TRHDE: variants seen among roughly 807,000 people sequenced by gnomAD.
TRHDE encodes thyrotropin-releasing hormone-degrading ectoenzyme.
TRHDE carries 72 observed loss-of-function variants against 125.7 expected under a neutral mutation model. That is an observed-to-expected ratio of 0.57 (90% CI 0.47 to 0.70). The LOEUF (loss-of-function observed/expected upper bound fraction) is 0.70. TRHDE is among the 30% of genes least tolerant of loss of function. The pLI is 0.00. For synonymous variants in TRHDE, 509 were observed against 509.1 expected (o/e 1.00, Z 0.00); for missense variants, 1,110 against 1,327.1 (o/e 0.84, Z 2.54).
intron 12 of TRHDE, among the ~76,000 whole-genome samples, chr12:72,589,668 T>A (rs1204977540): frequency 6.6e-6 from 1 of 152,194 alleles, no homozygotes; most frequent in African/African-American, 2.4e-5. Context: ...CCATTTCATC[T>A]AGGTCATTAC....
At chr12:72,374,348 G>C (rs576604513) in intron 2 of TRHDE, among the ~76,000 whole-genome samples, 1 of 146,484 alleles carries the variant, frequency 6.8e-6, no homozygotes, top group Non-Finnish European at 1.5e-5. Context: ...CAGGAGTTTG[G>C]TTTTAGACCT....
intron 3 of TRHDE, among the ~76,000 whole-genome samples, chr12:72,450,922 C>G (rs1256493605): frequency 1.3e-5 from 2 of 151,962 alleles, no homozygotes; most frequent in Non-Finnish European, 2.9e-5. Context: ...TTTTCATATA[C>G]TTCTTGGCCA....
rs537805998 is a variant in TRHDE, at chr12:72,173,803, A to G, written n.279+68051A>G. ...TCTGCGCGCGCACACACACACACAC[A>G]TTAATTTTTCCTGAACTGTTTTTAA... On this transcript the variant is annotated intron_variant and non_coding_transcript_variant, in intron 2 of 4. Transcript: ENST00000548156. Among the ~76,000 whole-genome samples, 4 of 152,208 alleles carry G rather than the reference A, an allele frequency of 2.6e-5. No homozygotes were observed. In the South Asian group the frequency reaches 6.2e-4, roughly 24 times the overall value.
chr12:72,221,529 T>C (rs1878000475), intron 2 of TRHDE, among the ~76,000 whole-genome samples: 1 of 152,106 alleles, frequency 6.6e-6, no homozygotes, highest in South Asian at 2.1e-4. Context: ...CTACTCATTA[T>C]TAAAATGTAG....
intron 2 of TRHDE, among the ~76,000 whole-genome samples, chr12:72,371,603 C>T (rs1306745065): frequency 1.6e-4 from 24 of 151,460 alleles, no homozygotes; most frequent in Non-Finnish European, 3.2e-4. Flanking sequence ...CATGTGTTCT[C>T]ATTGTTCAGT....
At chr12:72,635,886 T>A (rs1873722273) in intron 15 of TRHDE, among the ~76,000 whole-genome samples, 1 of 152,182 alleles carries the variant, frequency 6.6e-6, no homozygotes, top group Non-Finnish European at 1.5e-5. Context: ...ACCAGTACCA[T>A]GCTCTTTTGG....
intron 1 of TRHDE, among the ~76,000 whole-genome samples, chr12:72,094,417 T>C (rs751648705): frequency 5.9e-5 from 9 of 152,132 alleles, no homozygotes; most frequent in South Asian, 4.1e-4. Context: ...CTATTGGTGG[T>C]TCCCTAGGTG....
At chr12:72,593,019 A>G (rs1871760872) in intron 12 of TRHDE, among the ~76,000 whole-genome samples, 1 of 152,076 alleles carries the variant, frequency 6.6e-6, no homozygotes, top group Non-Finnish European at 1.5e-5. Flanking sequence ...CGCTGGTGAA[A>G]TTTTTAAAAT....
chr12:72,464,660 T>A (rs748389033), intron 3 of TRHDE, among the ~76,000 whole-genome samples: 3 of 152,170 alleles, frequency 2.0e-5, no homozygotes, highest in African/African-American at 4.8e-5. Context: ...GAAGGGCTAA[T>A]CTGAGAAGTG....
chr12:72,169,139 CTT>C (rs79350221), intron 2 of TRHDE, among the ~76,000 whole-genome samples: 6 of 140,516 alleles, frequency 4.3e-5, no homozygotes, highest in African/African-American at 5.2e-5. Context: ...ATGAAACAGA[CTT>C]TTTTTTTTTT....
chr12:72,634,657 C>T (rs976677801), intron 15 of TRHDE, among the ~76,000 whole-genome samples: 3 of 144,028 alleles, frequency 2.1e-5, no homozygotes, highest in East Asian at 2.2e-4. Flanking sequence ...CCCCCTCCCC[C>T]CAACCCACAA....
chr12:72,327,522 C>T (rs757437751), intron 2 of TRHDE, among the ~76,000 whole-genome samples: 45 of 152,070 alleles, frequency 3.0e-4, no homozygotes, highest in Non-Finnish European at 5.1e-4. Context: ...CACTGAATCA[C>T]CAAACTGACC....
intron 3 of TRHDE, among the ~76,000 whole-genome samples, chr12:72,419,277 A>G (rs1488757647): frequency 6.6e-6 from 1 of 152,166 alleles, no homozygotes; most frequent in African/African-American, 2.4e-5. Flanking sequence ...AAAAAATGTA[A>G]AAAGTTGTAT....
chr12:72,271,131 A>G (rs1275070272), upstream of TRHDE, among the ~76,000 whole-genome samples: 1 of 152,220 alleles, frequency 6.6e-6, no homozygotes, highest in African/African-American at 2.4e-5. Flanking sequence ...TCTCCAATCT[A>G]AAGATGGGAA....
chr12:72,617,511 TC>T (rs1191288666), intron 12 of TRHDE, among the ~76,000 whole-genome samples: 1 of 152,124 alleles, frequency 6.6e-6, no homozygotes, highest in Non-Finnish European at 1.5e-5. Flanking sequence ...AATACAAAGG[TC>T]CATCTAATTT....
At chr12:72,401,090 G>GA (rs1447220509) in intron 3 of TRHDE, among the ~76,000 whole-genome samples, 1 of 151,994 alleles carries the variant, frequency 6.6e-6, no homozygotes, top group Admixed American at 6.6e-5. Context: ...GTTACAGTAG[G>GA]AAAAAATGTA....
Position 72,663,452 on chromosome 12 carries a change from G to A in TRHDE, c.*257G>A. 1 of 309,668 alleles carries A rather than the reference G, an allele frequency of 3.2e-6. No homozygotes were observed. The highest frequency in any genetic ancestry group is 6.5e-5 in the South Asian group (1 of 15,384). The allele number at this position is 309,668 out of a possible 1,614,324, so 19.2% of individuals were successfully genotyped here. On this transcript the variant is annotated 3_prime_UTR_variant, in exon 19 of 19. Coordinates refer to ENST00000261180, the MANE Select transcript of TRHDE (RefSeq NM_013381.3). ...AGTGAAACTAGCCATGATTGCTTCA[G>A]CTGTACATTCCTTGCTGTACAGGAC...
intron 2 of TRHDE, among the ~76,000 whole-genome samples, chr12:72,363,342 C>T (rs1871199049): frequency 6.6e-6 from 1 of 151,704 alleles, no homozygotes; most frequent in Admixed American, 6.6e-5. Context: ...GTCCAATATC[C>T]TTGATGAACA....
At chr12:72,594,769 T>C (rs1345912110) in intron 12 of TRHDE, among the ~76,000 whole-genome samples, 2 of 152,034 alleles carry the variant, frequency 1.3e-5, no homozygotes, top group Non-Finnish European at 2.9e-5. Context: ...ACTGGGTATA[T>C]ACCCAAAAGA....
Sources: allele counts gnomAD v4.1 joint callset (sites outside exome capture counted in the v4.1 genomes callset), GRCh38; gene constraint gnomAD v4.1.1; transcripts MANE v1.5; gene names NCBI Gene and HGNC (gene_info 2026-07-23, HGNC 2026-07-21).